DTWD2: variants seen among roughly 807,000 people sequenced by gnomAD.
The protein encoded by DTWD2 is tRNA-uridine aminocarboxypropyltransferase 2.
A neutral mutation model predicts 31.8 loss-of-function variants in DTWD2; 39 were observed. The ratio of observed to expected loss-of-function variants is 1.22; its 90% CI spans 0.95 to 1.60. The LOEUF (loss-of-function observed/expected upper bound fraction) is 1.60, where lower values mean the gene tolerates loss of function less well. DTWD2 is among the 40% of genes most tolerant of loss of function. The pLI, the probability that DTWD2 is intolerant of heterozygous loss-of-function variation, is 0.00. For missense variants in DTWD2, 515 were observed against 381.5 expected (o/e 1.35, Z -2.92); for synonymous variants, 180 against 142.8 (o/e 1.26, Z -1.86).
chr5:118,951,756 G>GT (rs1561468678), intron 1 of DTWD2, among the ~76,000 whole-genome samples: 2 of 152,118 alleles, frequency 1.3e-5, no homozygotes, highest in Non-Finnish European at 2.9e-5. Flanking sequence ...AAAAGAGAGG[G>GT]TAGAGACATG....
At chr5:118,951,601 G>A (rs1337775597) in intron 1 of DTWD2, among the ~76,000 whole-genome samples, 2 of 152,180 alleles carry the variant, frequency 1.3e-5, no homozygotes, top group Non-Finnish European at 2.9e-5. Context: ...GGGGTCAAGC[G>A]GTGTTGCAGA....
intron 3 of DTWD2, among the ~76,000 whole-genome samples, chr5:118,931,671 T>C (rs1753927456): frequency 6.6e-6 from 1 of 152,152 alleles, no homozygotes; most frequent in South Asian, 2.1e-4. Flanking sequence ...TGTCAGTAAC[T>C]GGTAGATCAA....
At chr5:118,951,091 G>T (rs1754453596) in intron 1 of DTWD2, among the ~76,000 whole-genome samples, 1 of 152,166 alleles carries the variant, frequency 6.6e-6, no homozygotes, top group African/African-American at 2.4e-5. Context: ...GGAGAGGCTG[G>T]ATAAAGAAAA....
chr5:118,862,844 T>C (rs1752293423), intron 4 of DTWD2, among the ~76,000 whole-genome samples: 1 of 152,220 alleles, frequency 6.6e-6, no homozygotes, highest in Non-Finnish European at 1.5e-5. Flanking sequence ...GGTCATCATA[T>C]GAGCCAATTT....
In DTWD2 at chr5:118,988,307, AC is replaced by A. The variant is rs1056922130; in HGVS notation, c.204del (p.Glu68AspfsTer30). ...LPVEPAERRP[E>X]CTRCSRPQKV... ...CCCCGCGGTCACCTGCAGCGGGTGC[AC>A]TCAGGCCTCCGCTCGGCCGGCTCCA... On this transcript the variant is annotated frameshift_variant, in exon 1 of 6. Transcript: ENST00000510708. LOFTEE classifies it high-confidence loss of function. 3.9e-6 allele frequency: 6 copies of A among 1,523,708 alleles called. No individual in the cohort carries two copies. Among genetic ancestry groups the A allele is most frequent in the Non-Finnish European group, 5.3e-6 (6 of 1,140,178 alleles). 94.4% of individuals were successfully genotyped at this position (1,523,708 alleles called of 1,614,324 possible). A position where few individuals can be genotyped will look rare whatever the true frequency, so the allele number is the denominator to read the frequency against.
chr5:118,952,049 G>A (rs1003407586), intron 1 of DTWD2, among the ~76,000 whole-genome samples: 2 of 152,166 alleles, frequency 1.3e-5, no homozygotes, highest in South Asian at 2.1e-4. Context: ...GAAAGGTGGC[G>A]CAGAAATTGA....
chr5:118,912,651 G>A (rs1476581333), intron 4 of DTWD2, among the ~76,000 whole-genome samples: 1 of 133,862 alleles, frequency 7.5e-6, no homozygotes, highest in Admixed American at 6.7e-5. Context: ...CAGCTCCTCT[G>A]ACAGGGCCTT....
intron 4 of DTWD2, among the ~76,000 whole-genome samples, chr5:118,896,997 T>G (rs1024022667): frequency 6.6e-6 from 1 of 152,198 alleles, no homozygotes; most frequent in Non-Finnish European, 1.5e-5. Context: ...AACAAATTCA[T>G]AAGATACAAT....
At chr5:118,858,437 A>G (rs1752187517) in intron 4 of DTWD2, among the ~76,000 whole-genome samples, 1 of 152,186 alleles carries the variant, frequency 6.6e-6, no homozygotes, top group Non-Finnish European at 1.5e-5. Flanking sequence ...CTCTCAGGAG[A>G]AAAGTGTGAT....
At chr5:118,843,132 T>G (rs1325295695) in intron 5 of DTWD2, among the ~76,000 whole-genome samples, 1 of 151,902 alleles carries the variant, frequency 6.6e-6, no homozygotes, top group Non-Finnish European at 1.5e-5. Flanking sequence ...TATTTTTGTA[T>G]TTTTAGTAGA....
chr5:118,880,180 T>C (rs1185757945), intron 4 of DTWD2, among the ~76,000 whole-genome samples: 1 of 152,214 alleles, frequency 6.6e-6, no homozygotes, highest in Non-Finnish European at 1.5e-5. Flanking sequence ...CATTTTTCTG[T>C]TGTGAACAAT....
intron 3 of DTWD2, 38 bp from the exon 4 acceptor site, chr5:118,928,767 G>T: frequency 6.9e-7 from 1 of 1,444,310 alleles, no homozygotes; most frequent in Non-Finnish European, 9.2e-7. Context: ...TTATTAGCTT[G>T]TGAGGAAAAA....
At chr5:118,884,540 T>C (rs1752812786) in intron 4 of DTWD2, among the ~76,000 whole-genome samples, 1 of 152,216 alleles carries the variant, frequency 6.6e-6, no homozygotes, top group Non-Finnish European at 1.5e-5. Context: ...CAGGGTACTG[T>C]ACTTTACCCA....
intron 1 of DTWD2, among the ~76,000 whole-genome samples, chr5:118,945,796 A>G (rs569863823): frequency 7.9e-5 from 12 of 151,828 alleles, no homozygotes; most frequent in Non-Finnish European, 1.8e-4. Flanking sequence ...GAAAGAAAGA[A>G]AGAAAGAAAG....
intron 4 of DTWD2, among the ~76,000 whole-genome samples, chr5:118,917,364 G>A (rs1753600875): frequency 6.6e-6 from 1 of 152,136 alleles, no homozygotes; most frequent in African/African-American, 2.4e-5. Context: ...GAAACAATAG[G>A]GAAGGGAAAA....
At chr5:118,846,676 T>C (rs1561423401) in intron 5 of DTWD2, among the ~76,000 whole-genome samples, 1 of 152,032 alleles carries the variant, frequency 6.6e-6, no homozygotes, top group Admixed American at 6.6e-5. Context: ...TGTATATATA[T>C]TTGCTTAAGA....
intron 4 of DTWD2, among the ~76,000 whole-genome samples, chr5:118,873,524 AC>A (rs1340857041): frequency 6.6e-6 from 1 of 152,142 alleles, no homozygotes; most frequent in East Asian, 1.9e-4. Context: ...ACTGCAGCAT[AC>A]CTGCAAGCCC....
At chr5:118,918,916 C>T (rs1210772330) in intron 4 of DTWD2, among the ~76,000 whole-genome samples, 6 of 151,878 alleles carry the variant, frequency 4.0e-5, no homozygotes, top group Admixed American at 6.6e-5. Flanking sequence ...AAAAACAAGA[C>T]ACATTTGCCA....
At chr5:118,855,258 C>T (rs1430613458) in intron 4 of DTWD2, among the ~76,000 whole-genome samples, 1 of 143,060 alleles carries the variant, frequency 7.0e-6, no homozygotes, top group Non-Finnish European at 1.5e-5. Context: ...TTTACCGCAA[C>T]TTCTTGTAAT....
Sources: allele counts gnomAD v4.1 joint callset (sites outside exome capture counted in the v4.1 genomes callset), GRCh38; gene constraint gnomAD v4.1.1; transcripts MANE v1.5; gene names NCBI Gene and HGNC (gene_info 2026-07-23, HGNC 2026-07-21).